JADE2: variants seen among roughly 807,000 people sequenced by gnomAD.
JADE2 encodes the protein jade family PHD finger 2.
A neutral mutation model predicts 85.7 loss-of-function variants in JADE2; 13 were observed. The ratio of observed to expected loss-of-function variants is 0.15; its 90% CI spans 0.10 to 0.24. The LOEUF (loss-of-function observed/expected upper bound fraction) is 0.24, where lower values mean the gene tolerates loss of function less well. JADE2 is among the 10% of genes least tolerant of loss of function. The pLI, the probability that JADE2 is intolerant of heterozygous loss-of-function variation, is 1.00. For synonymous variants in JADE2, 440 were observed against 456.1 expected (o/e 0.96, Z 0.45); for missense variants, 846 against 1,115.9 (o/e 0.76, Z 3.45).
chr5:134,563,309 C>T (rs1382239451), intron 7 of JADE2, among the ~76,000 whole-genome samples: 1 of 143,584 alleles, frequency 7.0e-6, no homozygotes, highest in Non-Finnish European at 1.5e-5. Flanking sequence ...CAGAATGAGA[C>T]TGTTTAAAAA....
chr5:134,526,134 C>T (rs951023705), intron 1 of JADE2, 123 bp downstream of exon 1: 2 of 985,528 alleles, frequency 2.0e-6, no homozygotes, highest in Non-Finnish European at 2.4e-6. Flanking sequence ...CTCCCTCTCT[C>T]TCCTGCTGGC....
intron 1 of JADE2, among the ~76,000 whole-genome samples, chr5:134,528,333 C>A (rs1561719581): frequency 2.0e-5 from 3 of 152,142 alleles, no homozygotes; most frequent in Admixed American, 6.5e-5. Flanking sequence ...CCTACCCTGA[C>A]TTTCTTTCTC....
chr5:134,557,533 C>A (rs1435802083), intron 4 of JADE2, among the ~76,000 whole-genome samples: 2 of 117,384 alleles, frequency 1.7e-5, no homozygotes, highest in Admixed American at 1.8e-4. Context: ...CTCCCCCCTC[C>A]CCCGAACCCA....
intron 3 of JADE2, among the ~76,000 whole-genome samples, chr5:134,550,925 C>A (rs1762551856): frequency 6.6e-6 from 1 of 152,190 alleles, no homozygotes. Context: ...CTCCTTCCTG[C>A]CTTCCTACCC....
chr5:134,546,792 A>T (rs141837403), intron 3 of JADE2, among the ~76,000 whole-genome samples: 1 of 152,212 alleles, frequency 6.6e-6, no homozygotes, highest in African/African-American at 2.4e-5. Context: ...GTGTATATAT[A>T]ATTACACAAG....
At position 134,552,160 on chromosome 5, in the gene JADE2, G is replaced by A. The variant is rs960143732; in HGVS notation, c.262G>A (p.Gly88Ser). ...CCCATGGCGACAGGAATGGGAGAAA[G>A]GTGTGCAGGTGCCTGCCGGGGCAGA... ...ADPWRQEWEK[G>S]VQVPAGAEAI... The change falls in exon 4 of 12, where the codon GGT becomes AGT. Residue 88 changes from glycine to serine, a missense_variant. Gly to Ser is a moderately conservative substitution (Grantham distance 56, BLOSUM62 0). Coordinates refer to ENST00000681547, the MANE Select transcript of JADE2 (RefSeq NM_001388185.1). 6.2e-7 allele frequency: 1 copy of A among 1,614,220 alleles called. No individual in the cohort carries two copies. The highest frequency in any genetic ancestry group is 1.3e-5 in the African/African-American group (1 of 75,046).
At chr5:134,547,352 C>A (rs913944467) in intron 3 of JADE2, among the ~76,000 whole-genome samples, 7 of 152,250 alleles carry the variant, frequency 4.6e-5, no homozygotes, top group African/African-American at 1.7e-4. Flanking sequence ...CAATTAACAT[C>A]TCCTAAGCAG....
chr5:134,578,784 G>A lies in JADE2; in HGVS notation c.1972G>A (p.Gly658Arg), dbSNP rs78454672. Residue 658 changes from glycine to arginine, a missense_variant, in exon 12 of 12, where the codon GGG becomes AGG. By Grantham distance (125) the Gly-to-Arg change is moderately radical. Transcript: ENST00000681547. This position sits in a 1 kb window ranked among gnomAD's most constrained non-coding sequence, Gnocchi z 4.4. ...ACCACCACCACCACCACCGCAGGAC[G>A]GGCCTGGTTCACGGACGACTCCAGA... Reference protein sequence around the residue: ...KKPPPPPPQDGPGSRTTPDKA... With the variant: ...KKPPPPPPQDRPGSRTTPDKA... The A allele has an allele frequency of 4.4e-3, 7,091 of 1,613,788 alleles. 41 individuals are homozygous for A. Among genetic ancestry groups the A allele is most frequent in the Non-Finnish European group, 4.7e-3 (5,576 of 1,180,004 alleles).
At position 134,545,448 on chromosome 5, in the gene JADE2, T is replaced by G. The variant is rs1482765288; in HGVS notation, c.154-6604T>G. ...TAAGTGTCTTACGAACTTAGCCTAG[T>G]GGTAGCTTGCAACACAACTGGGCAG... On this transcript the variant is annotated intron_variant, in intron 3 of 11. Transcript: ENST00000681547. Among the ~76,000 whole-genome samples, 6 of 151,626 alleles carry G rather than the reference T, an allele frequency of 4.0e-5. No homozygotes were observed. The East Asian group carries it at 1.2e-3, about 30-fold the overall frequency.
At chr5:134,539,319 T>A (rs181366125) in intron 3 of JADE2, among the ~76,000 whole-genome samples, 2,198 of 152,278 alleles carry the variant, frequency 0.014, 21 homozygotes, top group South Asian at 0.026. Flanking sequence ...CGCCTTGGCC[T>A]CCCAAAGTGC....
At chr5:134,571,865 G>A (rs780259568) in intron 9 of JADE2, among the ~76,000 whole-genome samples, 42 of 152,170 alleles carry the variant, frequency 2.8e-4, no homozygotes, top group Non-Finnish European at 5.0e-4. Flanking sequence ...TGGATTCCTC[G>A]TTCCCAGGCT....
At chr5:134,569,599 G>A (rs1581473028) in intron 9 of JADE2, among the ~76,000 whole-genome samples, 1 of 152,350 alleles carries the variant, frequency 6.6e-6, no homozygotes, top group East Asian at 1.9e-4. Flanking sequence ...CTTGCTGCTT[G>A]TGGCTCTGGC....
intron 3 of JADE2, among the ~76,000 whole-genome samples, chr5:134,551,808 T>C (rs1762608615): frequency 6.6e-6 from 1 of 152,216 alleles, no homozygotes; most frequent in African/African-American, 2.4e-5. Context: ...AACTCTGTCC[T>C]TTAATAGGTC....
chr5:134,538,962 C>T (rs1312853201), intron 3 of JADE2, among the ~76,000 whole-genome samples: 1 of 150,886 alleles, frequency 6.6e-6, no homozygotes, highest in Admixed American at 6.6e-5. Flanking sequence ...GTTCAAATGC[C>T]TCTCCTGCCT....
intron 7 of JADE2, 62 bp from the exon 8 acceptor site, chr5:134,564,432 G>T: frequency 1.8e-6 from 2 of 1,134,292 alleles, no homozygotes; most frequent in Non-Finnish European, 2.5e-6. Flanking sequence ...CCCCCATTTT[G>T]GAGATCCCTG....
chr5:134,528,909 G>A (rs329122), intron 1 of JADE2, among the ~76,000 whole-genome samples: 68,169 of 152,000 alleles, frequency 0.45, 15,450 homozygotes, highest in Admixed American at 0.51. Context: ...CTGGCTAAAG[G>A]GCCAGTAACA....
intron 1 of JADE2, among the ~76,000 whole-genome samples, chr5:134,529,224 A>G (rs563740868): frequency 1.3e-5 from 2 of 152,282 alleles, no homozygotes; most frequent in South Asian, 4.1e-4. Context: ...TCTGATGGGG[A>G]GAACAGGTCA....
chr5:134,572,300 G>A (rs952569589), intron 9 of JADE2, among the ~76,000 whole-genome samples: 1 of 152,250 alleles, frequency 6.6e-6, no homozygotes, highest in African/African-American at 2.4e-5. Context: ...GCACACACCA[G>A]CGTGGAAGGC....
intron 9 of JADE2, among the ~76,000 whole-genome samples, chr5:134,570,286 C>T (rs968221573): frequency 2.0e-5 from 3 of 152,120 alleles, no homozygotes; most frequent in Admixed American, 6.6e-5. Flanking sequence ...TTCTGCCAGC[C>T]GAGCCTCTCG....
Sources: gnomAD v4.1 joint callset for allele counts (sites outside exome capture counted in the v4.1 genomes callset) on GRCh38, gnomAD v4.1.1 for gene constraint, Gnocchi (gnomAD v3.1) non-coding constraint, MANE v1.5 for transcripts, NCBI Gene and HGNC (gene_info 2026-07-23, HGNC 2026-07-21) for gene names.